RIPOR3: variants seen among roughly 807,000 people sequenced by gnomAD.
The protein encoded by RIPOR3 is family with sequence similarity 65 member C.
Under a neutral mutation model 114.3 loss-of-function variants are expected in RIPOR3, and 95 were observed. The ratio of observed to expected loss-of-function variants is 0.83; its 90% CI spans 0.70 to 0.99. The LOEUF (loss-of-function observed/expected upper bound fraction) is 0.99, where lower values mean the gene tolerates loss of function less well. Ranked by LOEUF, RIPOR3 falls within the 50% of genes least tolerant of loss-of-function variation. The pLI, the probability that RIPOR3 is intolerant of heterozygous loss-of-function variation, is 0.00. For missense variants in RIPOR3, 1,252 were observed against 1,266.9 expected, an observed-to-expected ratio of 0.99 and a Z score of 0.18; for synonymous variants, 575 against 543.8, an observed-to-expected ratio of 1.06 and a Z score of -0.80.
chr20:50,611,008 G>GGCTTAGTGCCGGGCCT, intron 5 of RIPOR3, 102 bp from the exon 6 acceptor site: 1 of 1,396,224 alleles, frequency 7.2e-7, no homozygotes, highest in Admixed American at 2.3e-5. Context: ...CAGAGAATGG[G>GGCTTAGTGCCGGGCCT]GCCCCTCACC....
intron 1 of RIPOR3, 27 bp downstream of exon 1, chr20:50,691,099 C>A: frequency 7.8e-7 from 1 of 1,289,496 alleles, no homozygotes; most frequent in South Asian, 1.2e-5. Context: ...TCACGGCACA[C>A]ATGGGGAGCA....
Position 50,621,976 on chromosome 20 carries a change from G to A in RIPOR3, c.123-1844C>T, listed in dbSNP as rs562808719. 2.0e-5 allele frequency among the ~76,000 whole-genome samples: 3 copies of A among 152,252 alleles called. No individual in the cohort carries two copies. The East Asian group carries it at 5.8e-4, about 29-fold the overall frequency. Reference sequence around the variant, plus strand: ...TCACAGCACAGAGCTGGTTTCCCTGGCATCTAAGCCTCTTCTCAGGATCCC... The same window carrying A: ...TCACAGCACAGAGCTGGTTTCCCTGACATCTAAGCCTCTTCTCAGGATCCC... On this transcript the variant is annotated intron_variant, in intron 2 of 21. Transcript: ENST00000327979.
intron 13 of RIPOR3, among the ~76,000 whole-genome samples, chr20:50,601,391 G>A (rs1406316052): frequency 2.6e-5 from 4 of 152,116 alleles, no homozygotes; most frequent in Admixed American, 1.3e-4. Context: ...CCGAGATGGC[G>A]CCGCTACAAC....
chr20:50,642,317 A>C lies in RIPOR3; in HGVS notation c.4-11461T>G, dbSNP rs578083723. Among the ~76,000 whole-genome samples, 49 of 139,078 alleles carry C rather than the reference A, an allele frequency of 3.5e-4. 1 individual carries two copies. The South Asian group carries it at 0.011, about 31-fold the overall frequency. The allele number at this position is 139,078 out of a possible 152,430, so 91.2% of individuals were successfully genotyped here. On this transcript the variant is annotated intron_variant, in intron 1 of 21. Coordinates refer to ENST00000327979, the MANE Select transcript of RIPOR3 (RefSeq NM_001290268.2). The stretch of plus-strand genomic sequence containing the variant: ...TTTCTCAGTTTTCTCCCAGCCCCTC[A>C]CCTTTTAATCTTAAATTGTTCTCTG...
intron 1 of RIPOR3, among the ~76,000 whole-genome samples, chr20:50,665,249 C>T (rs2123477007): frequency 6.9e-6 from 1 of 145,822 alleles, no homozygotes; most frequent in South Asian, 2.2e-4. Flanking sequence ...CCAGCTTGAG[C>T]AACATGGCAA....
chr20:50,660,749 C>CTTTTT (rs58201824), intron 1 of RIPOR3, among the ~76,000 whole-genome samples: 5 of 83,280 alleles, frequency 6.0e-5, no homozygotes, highest in African/African-American at 8.6e-5. Context: ...TGGGATTTAC[C>CTTTTT]TTTTTTTTTT....
At chr20:50,594,832 G>T in intron 16 of RIPOR3, 118 bp from the exon 17 acceptor site, 1 of 1,193,412 alleles carries the variant, frequency 8.4e-7, no homozygotes, top group Non-Finnish European at 1.2e-6. Context: ...GGTGTGGCTT[G>T]ATGCGAGGTC....
chr20:50,591,686 G>C (rs994287591), intron 19 of RIPOR3, among the ~76,000 whole-genome samples: 2 of 152,162 alleles, frequency 1.3e-5, no homozygotes, highest in Non-Finnish European at 2.9e-5. Context: ...GTAGTTACAG[G>C]CAAAGAGTGA....
At chr20:50,662,965 G>A (rs760640955) in intron 1 of RIPOR3, among the ~76,000 whole-genome samples, 16 of 152,140 alleles carry the variant, frequency 1.1e-4, no homozygotes, top group African/African-American at 3.6e-4. Context: ...TTGTCATAGC[G>A]CATGCCTGTA....
At chr20:50,624,195 T>C (rs2084533559) in intron 2 of RIPOR3, among the ~76,000 whole-genome samples, 2 of 152,236 alleles carry the variant, frequency 1.3e-5, no homozygotes, top group Admixed American at 1.3e-4. Flanking sequence ...CTGTGCTCCC[T>C]CTTCCCCTTG....
At chr20:50,676,628 G>A (rs2086685915) in intron 1 of RIPOR3, among the ~76,000 whole-genome samples, 4 of 151,926 alleles carry the variant, frequency 2.6e-5, no homozygotes, top group African/African-American at 7.3e-5. Context: ...CTCCAGCTGG[G>A]GCCACAGAGC....
intron 3 of RIPOR3, among the ~76,000 whole-genome samples, chr20:50,617,628 C>CTTTTT (rs71190578): frequency 3.6e-5 from 4 of 110,440 alleles, no homozygotes; most frequent in South Asian, 3.2e-4. Flanking sequence ...GGTGGTTTCC[C>CTTTTT]TTTTTTTTTT....
intron 1 of RIPOR3, among the ~76,000 whole-genome samples, chr20:50,655,922 GA>G (rs1013776052): frequency 6.6e-6 from 1 of 151,456 alleles, no homozygotes; most frequent in Non-Finnish European, 1.5e-5. Flanking sequence ...CCCAGTTTGG[GA>G]AAAAAATACA....
At chr20:50,594,497 G>A in intron 17 of RIPOR3, 56 bp downstream of exon 17, 1 of 1,576,066 alleles carries the variant, frequency 6.3e-7, no homozygotes, top group Non-Finnish European at 8.7e-7. Flanking sequence ...TGAAGGCCCT[G>A]GAGACTCAAT....
chr20:50,681,720 G>A (rs543391681), intron 1 of RIPOR3, among the ~76,000 whole-genome samples: 4 of 152,312 alleles, frequency 2.6e-5, no homozygotes, highest in East Asian at 1.9e-4. Context: ...CCCCACACGC[G>A]TTGAGAACCA....
chr20:50,686,775 A>G (rs953478735), intron 1 of RIPOR3, among the ~76,000 whole-genome samples: 2 of 151,892 alleles, frequency 1.3e-5, no homozygotes, highest in African/African-American at 2.4e-5. Flanking sequence ...AAGAAAGAAA[A>G]AAAAGTGCAC....
At chr20:50,622,308 A>C (rs2084442642) in intron 2 of RIPOR3, among the ~76,000 whole-genome samples, 1 of 151,836 alleles carries the variant, frequency 6.6e-6, no homozygotes, top group Non-Finnish European at 1.5e-5. Flanking sequence ...CAGCCTCCCA[A>C]GTAGCTGAGA....
At chr20:50,627,172 T>C (rs963596672) in intron 2 of RIPOR3, among the ~76,000 whole-genome samples, 5 of 151,362 alleles carry the variant, frequency 3.3e-5, no homozygotes. Context: ...AGCAAGACTC[T>C]GTCTCAAAAC....
At chr20:50,592,966 T>C in intron 18 of RIPOR3, 69 bp downstream of exon 18, 1 of 1,561,682 alleles carries the variant, frequency 6.4e-7, no homozygotes, top group Non-Finnish European at 8.7e-7. Context: ...AATTATAACC[T>C]GAGAAACTGC....
Sources: allele counts gnomAD v4.1 joint callset (sites outside exome capture counted in the v4.1 genomes callset), GRCh38; gene constraint gnomAD v4.1.1; transcripts MANE v1.5; gene names NCBI Gene and HGNC (gene_info 2026-07-23, HGNC 2026-07-21).